HUWE1: variants seen among roughly 807,000 people sequenced by gnomAD.
HUWE1 encodes the protein E3 ubiquitin-protein ligase HUWE1.
In HUWE1, 18 loss-of-function variants were observed where a neutral mutation model predicts 299.4. The ratio of observed to expected loss-of-function variants is 0.06; its 90% CI spans 0.04 to 0.09. The LOEUF is 0.09. Among genes scored for constraint, HUWE1 ranks in the 10% least tolerant of loss-of-function variants. The pLI, the probability that HUWE1 is intolerant of heterozygous loss-of-function variation, is 1.00. For synonymous variants in HUWE1, 1,317 were observed against 1,286.1 expected (o/e 1.02, Z -0.51); for missense variants, 1,832 against 3,462.3 (o/e 0.53, Z 11.82).
At position 53,679,426 on chromosome X, in the gene HUWE1, G is replaced by A. The variant is rs1002192936; in HGVS notation, c.-25+623C>T. ...CCTTGCCTTTTAGAAATACAAACAA[G>A]TATTTTACAAATAAATATGACAGGG... On this transcript the variant is annotated intron_variant, in intron 3 of 83. Transcript: ENST00000262854. Among the ~76,000 whole-genome samples, 4 of 112,121 alleles carry A rather than the reference G, an allele frequency of 3.6e-5. No homozygotes were observed. The Admixed American group carries it at 3.8e-4, about 11-fold the overall frequency.
At chrX:53,616,084 T>C (rs183088477) in intron 21 of HUWE1, among the ~76,000 whole-genome samples, 3,753 of 110,624 alleles carry the variant, frequency 0.034, 81 homozygotes, top group Non-Finnish European at 0.053. Flanking sequence ...GGAGAAATTT[T>C]TTTTTTGGTA....
chrX:53,543,040 G>A (rs781816652), intron 73 of HUWE1, among the ~76,000 whole-genome samples: 2 of 110,425 alleles, frequency 1.8e-5, no homozygotes, highest in African/African-American at 3.3e-5. Context: ...AAAGAGACTC[G>A]GCAGAAAAAA....
intron 3 of HUWE1, among the ~76,000 whole-genome samples, chrX:53,670,557 GA>G (rs1557048992): frequency 9.0e-6 from 1 of 111,564 alleles, no homozygotes; most frequent in Non-Finnish European, 1.9e-5. Context: ...TAGAGGGAGA[GA>G]TCTGAATTCA....
At chrX:53,560,072 G>C in intron 56 of HUWE1, 116 bp downstream of exon 56, 2 of 644,647 alleles carry the variant, frequency 3.1e-6, no homozygotes, top group South Asian at 2.6e-5. Flanking sequence ...CCTTATTTGT[G>C]TGTATGACAA....
At chrX:53,660,908 T>C (rs1237513100) in intron 3 of HUWE1, among the ~76,000 whole-genome samples, 1 of 111,491 alleles carries the variant, frequency 9.0e-6, no homozygotes, top group East Asian at 2.8e-4. Context: ...AAGTTTTGCC[T>C]CTATTTACAG....
At chrX:53,565,789 G>A (rs2062502043) in intron 49 of HUWE1, among the ~76,000 whole-genome samples, 2 of 109,751 alleles carry the variant, frequency 1.8e-5, no homozygotes, top group Non-Finnish European at 3.8e-5. Context: ...GAGCCACCAT[G>A]CCCAGCTAAT....
intron 3 of HUWE1, among the ~76,000 whole-genome samples, chrX:53,655,727 G>C (rs1250421388): frequency 9.0e-6 from 1 of 111,429 alleles, no homozygotes; most frequent in Non-Finnish European, 1.9e-5. Context: ...TGTCGCTTCA[G>C]TCATTTGCAG....
chrX:53,565,070 G>A lies in HUWE1; in HGVS notation c.6877C>T (p.Pro2293Ser). 8.3e-7 allele frequency: 1 copy of A among 1,210,250 alleles called. No homozygotes were observed. Among genetic ancestry groups the A allele is most frequent in the Non-Finnish European group, 1.1e-6 (1 of 894,226 alleles). The change falls in exon 50 of 84, where the codon CCA becomes TCA. Residue 2293 changes from proline to serine, a missense_variant. Pro to Ser is a moderately conservative substitution (Grantham distance 74, BLOSUM62 -1). Transcript: ENST00000262854. ...TCCATTGGCTCTGATTCCCTACCTG[G>A]GTCCTGCTGGTTGCTACTGGAATCT... ...SQDSSSNQQDPGEPGEAEVQE... is the reference protein window; with the variant it reads ...SQDSSSNQQDSGEPGEAEVQE...
rs781796975 is a variant in HUWE1, at chrX:53,617,106, T to C, written c.1821A>G (p.Val607=). The change falls in exon 21 of 84, where the codon GTA becomes GTG. Residue 607 remains valine, a synonymous_variant. Coordinates refer to ENST00000262854, the MANE Select transcript of HUWE1 (RefSeq NM_031407.7). ...TREVLGSLPN[V]FSALCLNARG... is the part of the protein sequence containing the mutation. ...GGGCATTCAAACAGAGTGCACTGAA[T>C]ACATTTGGGAGGGAGCCAAGGACTT... The C allele has an allele frequency of 1.7e-6, 2 of 1,208,793 alleles. No homozygotes were observed. Among genetic ancestry groups the C allele is most frequent in the African/African-American group, 1.8e-5 (1 of 57,031 alleles).
At chrX:53,544,093 G>A in intron 72 of HUWE1, 125 bp from the exon 73 acceptor site, 1 of 606,543 alleles carries the variant, frequency 1.6e-6, no homozygotes, top group Non-Finnish European at 2.7e-6. Context: ...CTTTAGCTCA[G>A]GAAGCTTCAG....
chrX:53,539,165 A>C, intron 75 of HUWE1, 85 bp from the exon 76 acceptor site: 1 of 986,522 alleles, frequency 1.0e-6, no homozygotes. Context: ...ACAAATTATA[A>C]AAATAAATAA....
At chrX:53,592,173 C>G (rs1556979649) in intron 33 of HUWE1, among the ~76,000 whole-genome samples, 1 of 111,879 alleles carries the variant, frequency 8.9e-6, no homozygotes, top group Admixed American at 9.4e-5. Flanking sequence ...ACTGAGAATA[C>G]TCATCAACAT....
intron 49 of HUWE1, among the ~76,000 whole-genome samples, chrX:53,565,726 G>C (rs1229493381): frequency 1.8e-5 from 2 of 109,314 alleles, no homozygotes; most frequent in African/African-American, 6.7e-5. Context: ...CCACCTCCCA[G>C]GCTCAAGTGA....
rs781954693 is a variant in HUWE1, at chrX:53,542,308, T to C, written c.11476+135A>G. ...CTTGGTTGTCAAACACCTGTCATCA[T>C]TTACAGAAACCAGGGTTTACTGGAA... is the stretch of plus-strand genomic sequence containing the variant. On this transcript the variant is annotated intron_variant, in intron 74 of 83. Coordinates refer to ENST00000262854, the MANE Select transcript of HUWE1 (RefSeq NM_031407.7). 4.7e-4 allele frequency: 250 copies of C among 527,951 alleles called. No homozygotes were observed. Among genetic ancestry groups the C allele is most frequent in the African/African-American group, 4.5e-3 (197 of 44,044 alleles). The allele number at this position is 527,951 out of a possible 1,213,427, so 43.5% of individuals were successfully genotyped here.
At position 53,539,815 on chromosome X, in the gene HUWE1, G is replaced by A; in HGVS notation, c.11477-3C>T. 8.3e-7 allele frequency: 1 copy of A among 1,206,526 alleles called. No homozygotes were observed. The highest frequency in any genetic ancestry group is 1.8e-5 in the South Asian group (1 of 56,128). On this transcript the variant is annotated splice_polypyrimidine_tract_variant and splice_region_variant and intron_variant, in intron 74 of 83. Coordinates refer to ENST00000262854, the MANE Select transcript of HUWE1 (RefSeq NM_031407.7). ...CCCCTGTGGGGTTCCATCGGAGGCT[G>A]GAGGGCACACAGAAGAGAGTCAGAA...
intron 7 of HUWE1, among the ~76,000 whole-genome samples, chrX:53,644,683 T>C (rs1264319178): frequency 8.9e-6 from 1 of 112,316 alleles, no homozygotes; most frequent in African/African-American, 3.2e-5. Context: ...TACTTTGAGG[T>C]AAGCATTAAA....
intron 3 of HUWE1, among the ~76,000 whole-genome samples, chrX:53,657,779 G>T (rs1437016470): frequency 9.0e-6 from 1 of 110,861 alleles, no homozygotes; most frequent in Non-Finnish European, 1.9e-5. Flanking sequence ...GCCAGGCACG[G>T]TGGCTCAGGT....
intron 43 of HUWE1, among the ~76,000 whole-genome samples, chrX:53,579,059 C>T (rs1358260508): frequency 1.0e-3 from 84 of 80,507 alleles, no homozygotes; most frequent in Non-Finnish European, 1.5e-3. Flanking sequence ...CCGCCCCGTC[C>T]GGGAGGGAGG....
intron 3 of HUWE1, among the ~76,000 whole-genome samples, chrX:53,664,428 C>A (rs1035127627): frequency 8.9e-6 from 1 of 111,806 alleles, no homozygotes; most frequent in Non-Finnish European, 1.9e-5. Context: ...ACCATCTAAA[C>A]AAATGCCTTA....
Sources: gnomAD v4.1 joint callset for allele counts (sites outside exome capture counted in the v4.1 genomes callset) on GRCh38, gnomAD v4.1.1 for gene constraint, MANE v1.5 for transcripts, NCBI Gene and HGNC (gene_info 2026-07-23, HGNC 2026-07-21) for gene names.